Variants in PTPRN2 observed in about 807,000 individuals in gnomAD.
PTPRN2 encodes receptor-type tyrosine-protein phosphatase N2.
In PTPRN2, 74 loss-of-function variants were observed where a neutral mutation model predicts 118.8. The ratio of observed to expected loss-of-function variants is 0.62; its 90% CI spans 0.52 to 0.76. PTPRN2 has a LOEUF of 0.76. Among genes scored for constraint, PTPRN2 ranks in the 30% least tolerant of loss-of-function variants. The probability of loss-of-function intolerance (pLI) is 0.00; values close to 1 mark genes in which losing one functional copy is unlikely to be tolerated. For synonymous variants in PTPRN2, 641 were observed against 608.0 expected, an observed-to-expected ratio of 1.05 and a Z score of -0.80; for missense variants, 1,481 against 1,394.4, an observed-to-expected ratio of 1.06 and a Z score of -0.99.
At chr7:157,564,017 GC>G in intron 21 of PTPRN2, among the ~76,000 whole-genome samples, 1 of 152,226 alleles carries the variant, frequency 6.6e-6, no homozygotes, top group Admixed American at 6.5e-5. Flanking sequence ...TACTACTTGG[GC>G]CTGCCCTTAA....
intron 12 of PTPRN2, among the ~76,000 whole-genome samples, chr7:157,818,887 C>T (rs1028507541): frequency 6.6e-6 from 1 of 152,092 alleles, no homozygotes; most frequent in Non-Finnish European, 1.5e-5. Context: ...CAGCAGCCCT[C>T]GCCCAACACA....
chr7:157,873,527 T>A, intron 12 of PTPRN2, among the ~76,000 whole-genome samples: 1 of 127,682 alleles, frequency 7.8e-6, no homozygotes, highest in East Asian at 2.9e-4. Context: ...GAGAACGTAC[T>A]GTCCTCAAGG....
intron 11 of PTPRN2, among the ~76,000 whole-genome samples, chr7:157,933,584 G>T (rs527599457): frequency 1.4e-3 from 210 of 148,166 alleles, no homozygotes; most frequent in African/African-American, 5.0e-3. Flanking sequence ...TAGAGGAGGG[G>T]TGAGTCACTC....
intron 12 of PTPRN2, chr7:157,858,002 G>C (rs1374550568): frequency 6.4e-6 from 1 of 156,158 alleles, no homozygotes; most frequent in African/African-American, 2.4e-5. Context: ...TTGTCGGGGG[G>C]CCTGAAAAGA....
intron 11 of PTPRN2, among the ~76,000 whole-genome samples, chr7:157,943,753 C>T (rs138769547): frequency 4.4e-4 from 67 of 152,230 alleles, no homozygotes; most frequent in African/African-American, 1.3e-3. Flanking sequence ...CCGAAGCCCC[C>T]GCCTCCTCTG....
At chr7:158,482,130 C>G (rs370994201) in intron 2 of PTPRN2, among the ~76,000 whole-genome samples, 2 of 152,128 alleles carry the variant, frequency 1.3e-5, no homozygotes, top group Non-Finnish European at 2.9e-5. Context: ...TAGGGACGAG[C>G]AAAGAAAGTG....
At chr7:158,416,206 G>A (rs551932079) in intron 2 of PTPRN2, among the ~76,000 whole-genome samples, 1 of 152,368 alleles carries the variant, frequency 6.6e-6, no homozygotes. Context: ...TTGGGGCCCA[G>A]GAATGGGAAT....
rs185842552 is a variant in PTPRN2, at chr7:158,456,558, C to T, written c.163+33177G>A. ...TCGCTCTGCGGAGAACATAACGGCACGGATGCCATCGGCCACGGCCCCCCA... is the reference window on the plus strand; with the variant it reads ...TCGCTCTGCGGAGAACATAACGGCATGGATGCCATCGGCCACGGCCCCCCA... On this transcript the variant is annotated intron_variant, in intron 2 of 22. Coordinates refer to ENST00000389418, the MANE Select transcript of PTPRN2 (RefSeq NM_002847.5). 1.4e-4 allele frequency among the ~76,000 whole-genome samples: 21 copies of T among 149,988 alleles called. No homozygotes were observed. The East Asian group carries it at 1.5e-3, about 10-fold the overall frequency.
chr7:157,748,336 C>T lies in PTPRN2; in HGVS notation c.1789-65399G>A, dbSNP rs377563219. ...CTGCATCTCTGAGCAGAGGGGTGTC[C>T]GGGCAATTCTGAGGCCTGCGTCCCT... On this transcript the variant is annotated intron_variant, in intron 12 of 22. Coordinates refer to ENST00000389418, the MANE Select transcript of PTPRN2 (RefSeq NM_002847.5). Among the ~76,000 whole-genome samples the T allele has an allele frequency of 1.4e-4, 16 of 116,242 alleles. No individual in the cohort carries two copies. In the East Asian group the frequency reaches 3.7e-3, roughly 27 times the overall value. 76.3% of individuals were successfully genotyped at this position (116,242 alleles called of 152,430 possible).
At chr7:158,139,362 A>G (rs934193189) in intron 6 of PTPRN2, among the ~76,000 whole-genome samples, 1 of 152,116 alleles carries the variant, frequency 6.6e-6, no homozygotes, top group Admixed American at 6.5e-5. Flanking sequence ...GGTGGACATA[A>G]CGGAAGAAAC....
intron 3 of PTPRN2, among the ~76,000 whole-genome samples, chr7:158,223,009 AC>A (rs1468607819): frequency 6.6e-6 from 1 of 152,154 alleles, no homozygotes; most frequent in African/African-American, 2.4e-5. Context: ...GTCACTACAG[AC>A]TCTGCAAACA....
At chr7:158,329,978 A>G (rs947006872) in intron 2 of PTPRN2, among the ~76,000 whole-genome samples, 10 of 152,092 alleles carry the variant, frequency 6.6e-5, no homozygotes, top group Non-Finnish European at 1.3e-4. Flanking sequence ...GACTCTCACC[A>G]TAAGAGCTCA....
At chr7:158,514,553 G>A (rs986507006) in intron 1 of PTPRN2, among the ~76,000 whole-genome samples, 1 of 152,158 alleles carries the variant, frequency 6.6e-6, no homozygotes, top group East Asian at 1.9e-4. Context: ...CACCCCAGGT[G>A]ATGGCGATGC....
chr7:158,392,252 G>A (rs1198717025), intron 2 of PTPRN2, among the ~76,000 whole-genome samples: 10 of 152,146 alleles, frequency 6.6e-5, no homozygotes, highest in Non-Finnish European at 1.3e-4. Context: ...GAGAGGGGCT[G>A]GGTCAGGGAC....
intron 3 of PTPRN2, among the ~76,000 whole-genome samples, chr7:158,278,738 C>T (rs530886380): frequency 1.3e-5 from 2 of 152,250 alleles, no homozygotes; most frequent in African/African-American, 2.4e-5. Flanking sequence ...TTCTTTCTTC[C>T]GGTGGGTTCA....
intron 11 of PTPRN2, among the ~76,000 whole-genome samples, chr7:158,016,974 C>T (rs1228376727): frequency 1.3e-5 from 2 of 152,220 alleles, no homozygotes; most frequent in Non-Finnish European, 1.5e-5. Context: ...CCCACACATC[C>T]TTGCAGGAAA....
In PTPRN2 at chr7:158,350,703, G is replaced by GGATCCACGCCCAGTGGATCAGTCGCTC. The variant is rs567566607; in HGVS notation, c.164-33798_164-33772dup. On this transcript the variant is annotated intron_variant, in intron 2 of 22. Coordinates refer to ENST00000389418, the MANE Select transcript of PTPRN2 (RefSeq NM_002847.5). Reference sequence around the variant, plus strand: ...GAGCCCCTGCCTCCTGCCGGCCACTGGATCCACGCCCAGTGGATCAGTCGC... The same window carrying GGATCCACGCCCAGTGGATCAGTCGCTC: ...GAGCCCCTGCCTCCTGCCGGCCACTGGATCCACGCCCAGTGGATCAGTCGCTCGATCCACGCCCAGTGGATCAGTCGC... 2.4e-4 allele frequency among the ~76,000 whole-genome samples: 36 copies of GGATCCACGCCCAGTGGATCAGTCGCTC among 152,242 alleles called. No individual in the cohort carries two copies. In the South Asian group the frequency reaches 6.8e-3, roughly 29 times the overall value.
intron 2 of PTPRN2, among the ~76,000 whole-genome samples, chr7:158,319,493 C>CACGA (rs1563131490): frequency 1.8e-5 from 1 of 56,460 alleles, no homozygotes; most frequent in Admixed American, 1.8e-4. Context: ...CTCCCTCACA[C>CACGA]TCACACAGCC....
chr7:158,297,783 C>T (rs1800602463), intron 3 of PTPRN2, among the ~76,000 whole-genome samples: 1 of 152,206 alleles, frequency 6.6e-6, no homozygotes, highest in Non-Finnish European at 1.5e-5. Context: ...GCTGTTCCCT[C>T]ACCTCTCCAC....
Sources: allele counts gnomAD v4.1 joint callset (sites outside exome capture counted in the v4.1 genomes callset), GRCh38; gene constraint gnomAD v4.1.1; transcripts MANE v1.5; gene names NCBI Gene and HGNC (gene_info 2026-07-23, HGNC 2026-07-21).